The following ALK variants were observed in gnomAD, a reference collection of about 807,000 sequenced individuals.
ALK encodes ALK tyrosine kinase receptor.
In ALK, 74 loss-of-function variants were observed where a neutral mutation model predicts 163.1. That is an observed-to-expected ratio of 0.45 (90% confidence interval 0.38 to 0.55). The LOEUF (loss-of-function observed/expected upper bound fraction) is 0.55. ALK is among the 20% of genes least tolerant of loss of function. The pLI is 0.00. For synonymous variants in ALK, 960 were observed against 843.2 expected (o/e 1.14, Z -2.40); for missense variants, 2,063 against 2,105.3 (o/e 0.98, Z 0.39).
At chr2:29,752,436 G>C (rs1041428275) in intron 1 of ALK, among the ~76,000 whole-genome samples, 2 of 143,604 alleles carry the variant, frequency 1.4e-5, no homozygotes, top group African/African-American at 5.2e-5. Flanking sequence ...TGCAAGCTCC[G>C]CCTCCCGGGT....
intron 3 of ALK, among the ~76,000 whole-genome samples, chr2:29,641,964 C>T (rs1051584863): frequency 6.6e-6 from 1 of 152,150 alleles, no homozygotes; most frequent in Non-Finnish European, 1.5e-5. Context: ...GGAAACTTAT[C>T]AAAAATTCAC....
chr2:29,837,169 T>C (rs1426738906), intron 1 of ALK, among the ~76,000 whole-genome samples: 1 of 152,206 alleles, frequency 6.6e-6, no homozygotes, highest in African/African-American at 2.4e-5. Context: ...ATTATACAGA[T>C]AATTTTCTGT....
At chr2:29,582,446 T>C (rs1349056708) in intron 3 of ALK, among the ~76,000 whole-genome samples, 3 of 152,156 alleles carry the variant, frequency 2.0e-5, no homozygotes, top group African/African-American at 7.2e-5. Flanking sequence ...GAACCTAAAA[T>C]TGGGGTCTCG....
At chr2:29,687,584 C>T (rs2245921) in intron 3 of ALK, among the ~76,000 whole-genome samples, 124,024 of 151,942 alleles carry the variant, frequency 0.82, 50,708 homozygotes, top group South Asian at 0.86. Context: ...TAATATATGA[C>T]AATGAACTCA....
chr2:29,584,685 C>G (rs1395105586), intron 3 of ALK, among the ~76,000 whole-genome samples: 1 of 152,202 alleles, frequency 6.6e-6, no homozygotes, highest in Non-Finnish European at 1.5e-5. Flanking sequence ...GTTCGGTGTT[C>G]TGGAGTCTAG....
intron 1 of ALK, among the ~76,000 whole-genome samples, chr2:29,846,210 G>T (rs1665839031): frequency 6.6e-6 from 1 of 152,092 alleles, no homozygotes; most frequent in African/African-American, 2.4e-5. Flanking sequence ...CACCACGCTG[G>T]TTCTAGGATC....
In ALK at chr2:29,227,165, G is replaced by A. The variant is rs878933453; in HGVS notation, c.2915-91C>T. 15 of 1,550,064 alleles carry A rather than the reference G, an allele frequency of 9.7e-6. No homozygotes were observed. In the African/African-American group the frequency reaches 1.8e-4, roughly 18 times the overall value. On this transcript the variant is annotated intron_variant, in intron 17 of 28. Coordinates refer to ENST00000389048, the MANE Select transcript of ALK (RefSeq NM_004304.5). The surrounding 1 kb of genome is among the most constrained non-coding windows in gnomAD (Gnocchi z 4.4). ...ATGTCTCCAGGTGGTCACTGTGGGTGCTCTGGTGGTCCCTGTTCCTAGGTC... is the reference window on the plus strand; with the variant it reads ...ATGTCTCCAGGTGGTCACTGTGGGTACTCTGGTGGTCCCTGTTCCTAGGTC...
chr2:29,304,708 A>T (rs1666457839), intron 8 of ALK, among the ~76,000 whole-genome samples: 1 of 152,128 alleles, frequency 6.6e-6, no homozygotes, highest in South Asian at 2.1e-4. Flanking sequence ...TCTGTGCTTC[A>T]AGGCCAATGT....
intron 5 of ALK, among the ~76,000 whole-genome samples, chr2:29,378,835 C>T (rs113613254): frequency 0.052 from 7,851 of 152,114 alleles, 312 homozygotes; most frequent in East Asian, 0.18. Context: ...CTCAGCCTCC[C>T]GAGTAGCTGA....
chr2:29,193,951 G>A (rs2148139277), intron 28 of ALK, 29 bp from the exon 29 acceptor site: 10 of 1,606,392 alleles, frequency 6.2e-6, no homozygotes, highest in Non-Finnish European at 8.5e-6. Flanking sequence ...TTAAAACTTT[G>A]AATCAGAGAC....
At chr2:29,528,912 C>A (rs1673037130) in intron 4 of ALK, among the ~76,000 whole-genome samples, 1 of 152,194 alleles carries the variant, frequency 6.6e-6, no homozygotes, top group Admixed American at 6.5e-5. Context: ...TCTGGCCATG[C>A]AGATGAGCAG....
In ALK at chr2:29,220,574, C is replaced by A. The variant is rs1669773273; in HGVS notation, c.3645+132G>T. 11 of 1,281,976 alleles carry A rather than the reference C, an allele frequency of 8.6e-6. No individual in the cohort carries two copies. The Admixed American group carries it at 2.2e-4, about 26-fold the overall frequency. The allele number at this position is 1,281,976 out of a possible 1,614,324, so 79.4% of individuals were successfully genotyped here. A position where few individuals can be genotyped will look rare whatever the true frequency, so the allele number is the denominator to read the frequency against. ...TCTCTTCCAGCCAGTCAGTCACCCCCCTGTCCAAGCCTAAAGTTGACACCC... is the reference window on the plus strand; with the variant it reads ...TCTCTTCCAGCCAGTCAGTCACCCCACTGTCCAAGCCTAAAGTTGACACCC... On this transcript the variant is annotated intron_variant, in intron 23 of 28. Transcript: ENST00000389048.
At chr2:29,405,593 C>A (rs141509963) in intron 4 of ALK, among the ~76,000 whole-genome samples, 119 of 152,244 alleles carry the variant, frequency 7.8e-4, no homozygotes, top group African/African-American at 2.9e-3. Flanking sequence ...AAGGTCTGGC[C>A]AATTTGGAAG....
chr2:29,498,495 C>T (rs1315158039), intron 4 of ALK, among the ~76,000 whole-genome samples: 1 of 151,940 alleles, frequency 6.6e-6, no homozygotes, highest in East Asian at 1.9e-4. Context: ...AGTAATGGAG[C>T]CACCATCAGT....
At chr2:29,396,836 G>GTTTTTTTTTTTCTTT (rs1669319360) in intron 4 of ALK, among the ~76,000 whole-genome samples, 1 of 46,604 alleles carries the variant, frequency 2.1e-5, no homozygotes, top group African/African-American at 9.3e-5. Flanking sequence ...TGTTACTATG[G>GTTTTTTTTTTTCTTT]TTTTTTTTTT....
At chr2:29,483,134 G>A (rs1256701802) in intron 4 of ALK, among the ~76,000 whole-genome samples, 1 of 152,198 alleles carries the variant, frequency 6.6e-6, no homozygotes, top group African/African-American at 2.4e-5. Flanking sequence ...ATTAGGTTCT[G>A]GTCCCCAGCA....
At chr2:29,612,268 A>G (rs1048416422) in intron 3 of ALK, among the ~76,000 whole-genome samples, 52 of 152,324 alleles carry the variant, frequency 3.4e-4, no homozygotes, top group African/African-American at 1.2e-3. Context: ...TAAAAAATTA[A>G]GCCTTTCTAA....
chr2:29,560,063 G>A (rs1573456122), intron 3 of ALK, among the ~76,000 whole-genome samples: 2 of 152,076 alleles, frequency 1.3e-5, no homozygotes, highest in East Asian at 1.9e-4. Flanking sequence ...TTAAGCATGT[G>A]GTTAACATAT....
At chr2:29,248,977 C>G (rs1239759792) in intron 12 of ALK, among the ~76,000 whole-genome samples, 11 of 152,272 alleles carry the variant, frequency 7.2e-5, no homozygotes, top group Admixed American at 7.2e-4. Flanking sequence ...AGCAGCATTG[C>G]TTCAGCTGAT....
Sources: allele counts gnomAD v4.1 joint callset (sites outside exome capture counted in the v4.1 genomes callset), GRCh38; gene constraint gnomAD v4.1.1; non-coding constraint Gnocchi (gnomAD v3.1); transcripts MANE v1.5; gene names NCBI Gene and HGNC (gene_info 2026-07-23, HGNC 2026-07-21).